UBR3: variants seen among roughly 807,000 people sequenced by gnomAD.
UBR3 encodes the protein E3 ubiquitin-protein ligase UBR3.
In UBR3, 85 loss-of-function variants were observed where a neutral mutation model predicts 243.2. The ratio of observed to expected loss-of-function variants is 0.35; its 90% CI spans 0.29 to 0.42. The LOEUF (loss-of-function observed/expected upper bound fraction) is 0.42, where lower values mean the gene tolerates loss of function less well. Ranked by LOEUF, UBR3 falls within the 10% of genes least tolerant of loss-of-function variation. The pLI, the probability that UBR3 is intolerant of heterozygous loss-of-function variation, is 1.00. For missense variants in UBR3, 1,686 were observed against 2,300.8 expected, an observed-to-expected ratio of 0.73 and a Z score of 5.47; for synonymous variants, 748 against 799.8, an observed-to-expected ratio of 0.94 and a Z score of 1.09.
intron 1 of UBR3, among the ~76,000 whole-genome samples, chr2:169,849,053 C>G (rs1448915094): frequency 6.6e-6 from 1 of 152,172 alleles, no homozygotes; most frequent in Non-Finnish European, 1.5e-5. Flanking sequence ...TTTATACTCA[C>G]CAGACTATGG....
At position 169,848,237 on chromosome 2, in the gene UBR3, TA is replaced by T. The variant is rs554765925; in HGVS notation, c.545+20187del. ...TTTTGTTTGCTTTGGATGAAGGGGT[TA>T]ACCCAACGACCTGGTTATTTTTGTT... On this transcript the variant is annotated intron_variant, in intron 1 of 38. Transcript: ENST00000272793. Among the ~76,000 whole-genome samples the T allele has an allele frequency of 3.9e-5, 6 of 152,328 alleles. No homozygotes were observed. The East Asian group carries it at 1.2e-3, about 29-fold the overall frequency.
intron 24 of UBR3, chr2:169,964,940 G>A (rs749817382): frequency 3.9e-5 from 18 of 456,808 alleles, no homozygotes; most frequent in South Asian, 1.5e-4. Flanking sequence ...TCCCAGTCTC[G>A]GTTCTTGTAT....
chr2:169,841,310 A>C (rs1050545726), intron 1 of UBR3, among the ~76,000 whole-genome samples: 2 of 152,048 alleles, frequency 1.3e-5, no homozygotes, highest in African/African-American at 2.4e-5. Flanking sequence ...TAAATATCCT[A>C]GTTTATAGCT....
intron 23 of UBR3, among the ~76,000 whole-genome samples, chr2:169,956,869 A>G (rs1421584106): frequency 4.6e-5 from 7 of 152,214 alleles, no homozygotes; most frequent in South Asian, 2.1e-4. Flanking sequence ...CAGTGATTGC[A>G]TAGACTCTCA....
chr2:169,954,756 G>A (rs891799871), intron 23 of UBR3, among the ~76,000 whole-genome samples: 3 of 151,914 alleles, frequency 2.0e-5, no homozygotes, highest in Non-Finnish European at 2.9e-5. Flanking sequence ...TGTATTTTTA[G>A]TAGAGACAGG....
Position 170,083,474 on chromosome 2 carries a change from T to C in UBR3, c.*1631T>C, listed in dbSNP as rs1024923132. ...CACATTGCTACTTTTTTAAATACTGTATCATAAGTTCAGCCTGTCATACTT... is the reference window on the plus strand; with the variant it reads ...CACATTGCTACTTTTTTAAATACTGCATCATAAGTTCAGCCTGTCATACTT... On this transcript the variant is annotated 3_prime_UTR_variant, in exon 39 of 39. Transcript: ENST00000272793. The C allele has an allele frequency of 9.2e-5, 14 of 152,624 alleles. No homozygotes were observed. Among genetic ancestry groups the C allele is most frequent in the African/African-American group, 3.4e-4 (14 of 41,462 alleles). 9.5% of individuals were successfully genotyped at this position (152,624 alleles called of 1,614,324 possible).
At chr2:169,924,208 G>A (rs772315592) in intron 13 of UBR3, 35 bp downstream of exon 13, 1 of 1,440,408 alleles carries the variant, frequency 6.9e-7, no homozygotes, top group Non-Finnish European at 9.4e-7. Context: ...TTTTGAAGTG[G>A]ATTCCTTGTT....
At chr2:170,066,076 G>C (rs1393611228) in intron 35 of UBR3, among the ~76,000 whole-genome samples, 1 of 151,614 alleles carries the variant, frequency 6.6e-6, no homozygotes, top group Non-Finnish European at 1.5e-5. Context: ...ATTAATCTTA[G>C]ACATTTAGCT....
rs117580751 is a variant in UBR3, at chr2:169,974,958, A to T, written c.3635-11687A>T. 3.3e-3 allele frequency among the ~76,000 whole-genome samples: 498 copies of T among 152,178 alleles called. 18 individuals carry two copies. In the East Asian group the frequency reaches 0.092, roughly 28 times the overall value. On this transcript the variant is annotated intron_variant, in intron 24 of 38. Transcript: ENST00000272793. ...GCACTTTGGGAGTCCAAGCGGGTGG[A>T]TTGCTTTAGTCCAGGAGTTCAGAAC...
intron 33 of UBR3, among the ~76,000 whole-genome samples, chr2:170,056,437 C>A (rs1378901484): frequency 2.0e-5 from 3 of 152,072 alleles, no homozygotes; most frequent in African/African-American, 7.2e-5. Context: ...AAAAATTATG[C>A]TAAATGTAAA....
At chr2:169,913,930 C>T in intron 10 of UBR3, 130 bp from the exon 11 acceptor site, 1 of 370,004 alleles carries the variant, frequency 2.7e-6, no homozygotes. Flanking sequence ...CTTGAAATGG[C>T]AAATATAATC....
intron 24 of UBR3, among the ~76,000 whole-genome samples, chr2:169,974,322 TATTACTG>T (rs764451964): frequency 3.3e-5 from 5 of 152,184 alleles, no homozygotes; most frequent in Admixed American, 1.3e-4. Context: ...GGAGACTTTT[TATTACTG>T]ATTCAATCTC....
chr2:169,975,520 A>G lies in UBR3; in HGVS notation c.3635-11125A>G, dbSNP rs1342028820. The stretch of plus-strand genomic sequence containing the variant: ...GTGTTTCTTTGTTGATTTTCTGTTT[A>G]GATGATTTGTCTAGTACTGAGAGTG... On this transcript the variant is annotated intron_variant, in intron 24 of 38. Transcript: ENST00000272793. Among the ~76,000 whole-genome samples, 3 of 152,252 alleles carry G rather than the reference A, an allele frequency of 2.0e-5. No homozygotes were observed. The East Asian group carries it at 5.8e-4, about 29-fold the overall frequency.
intron 36 of UBR3, chr2:170,078,179 G>C (rs1037869700): frequency 2.6e-5 from 14 of 546,300 alleles, no homozygotes; most frequent in African/African-American, 4.0e-5. Context: ...CATTTTCTTT[G>C]ACTTCTTTGA....
chr2:169,879,116 ATT>A (rs1307002137), intron 5 of UBR3, among the ~76,000 whole-genome samples: 1 of 151,810 alleles, frequency 6.6e-6, no homozygotes, highest in Non-Finnish European at 1.5e-5. Context: ...AGGAAAAATC[ATT>A]GTTATATTTC....
Position 169,875,942 on chromosome 2 carries a change from G to T in UBR3, c.837G>T (p.Leu279=). The stretch of plus-strand genomic sequence containing the variant: ...CAAACCAACAAAACTACAAAGATCT[G>T]ACTTCTGGTGAGTAAAATGTTAGAA... ...VLTNQQNYKD[L]TSGLGENACV... The change falls in exon 3 of 39, where the codon CTG becomes CTT. Residue 279 remains leucine (L), a synonymous_variant. Transcript: ENST00000272793. 2 of 1,513,584 alleles carry T rather than the reference G, an allele frequency of 1.3e-6. No homozygotes were observed. The highest frequency in any genetic ancestry group is 2.6e-5 in the South Asian group (2 of 76,516). 93.8% of individuals were successfully genotyped at this position (1,513,584 alleles called of 1,614,324 possible).
chr2:169,983,292 A>G (rs2088840907), intron 24 of UBR3, among the ~76,000 whole-genome samples: 1 of 114,008 alleles, frequency 8.8e-6, no homozygotes, highest in Non-Finnish European at 1.6e-5. Flanking sequence ...AGTCTCACTC[A>G]TTCTGTCACC....
chr2:170,021,238 G>T (rs1336587302), intron 30 of UBR3, among the ~76,000 whole-genome samples: 1 of 152,110 alleles, frequency 6.6e-6, no homozygotes, highest in Non-Finnish European at 1.5e-5. Context: ...GGGGTGTGTG[G>T]ATAAGGAGAA....
chr2:169,957,674 T>C (rs1197438884), intron 23 of UBR3, among the ~76,000 whole-genome samples: 1 of 152,024 alleles, frequency 6.6e-6, no homozygotes, highest in African/African-American at 2.4e-5. Context: ...AAGAAACCTG[T>C]ACATTGTGCA....
Sources: gnomAD v4.1 joint callset for allele counts (sites outside exome capture counted in the v4.1 genomes callset) on GRCh38, gnomAD v4.1.1 for gene constraint, MANE v1.5 for transcripts, NCBI Gene and HGNC (gene_info 2026-07-23, HGNC 2026-07-21) for gene names.